Variants in RANBP2 observed in about 807,000 individuals in gnomAD.
RANBP2 encodes RAN binding protein 2, also known as E3 SUMO-protein ligase RanBP2.
RANBP2 carries 57 observed loss-of-function variants against 303.6 expected under a neutral mutation model. The observed-to-expected ratio is 0.19, with a 90% CI of 0.15 to 0.23. The LOEUF (loss-of-function observed/expected upper bound fraction) is 0.23, where lower values mean the gene tolerates loss of function less well. Among genes scored for constraint, RANBP2 ranks in the 10% least tolerant of loss-of-function variants. The probability of loss-of-function intolerance (pLI) is 1.00; values close to 1 mark genes in which losing one functional copy is unlikely to be tolerated. For synonymous variants in RANBP2, 1,167 were observed against 1,301.5 expected (o/e 0.90, Z 2.23); for missense variants, 3,138 against 3,780.8 (o/e 0.83, Z 4.46).
At chr2:109,741,321 A>T in the RANBP2 span, among the ~76,000 whole-genome samples, 5 of 152,222 alleles carry the variant, frequency 3.3e-5, no homozygotes, top group Non-Finnish European at 5.9e-5. Flanking sequence ...ATATGAATAG[A>T]TGCAGAAAAG....
chr2:109,763,048 CT>C, the RANBP2 span, among the ~76,000 whole-genome samples: 1 of 149,524 alleles, frequency 6.7e-6, no homozygotes, highest in Non-Finnish European at 1.5e-5. Context: ...TATTTGAGAA[CT>C]TTCTGTGTGT....
the RANBP2 span, among the ~76,000 whole-genome samples, chr2:108,906,549 T>C: frequency 1.3e-5 from 2 of 152,216 alleles, no homozygotes; most frequent in African/African-American, 2.4e-5. Flanking sequence ...CAGGTTTTCC[T>C]ATTCAAACAT....
the RANBP2 span, among the ~76,000 whole-genome samples, chr2:108,824,920 T>C: frequency 6.6e-6 from 1 of 152,200 alleles, no homozygotes; most frequent in Non-Finnish European, 1.5e-5. Flanking sequence ...ACCGAAATGT[T>C]ATGCAGTGCG....
the RANBP2 span, chr2:109,544,806 C>T: frequency 1.3e-6 from 1 of 757,834 alleles, no homozygotes; most frequent in South Asian, 6.0e-5. Flanking sequence ...TGCATGCCTA[C>T]TATGTACCAG....
chr2:108,786,937 C>G (rs766529876), downstream of RANBP2: 102 of 1,476,640 alleles, frequency 6.9e-5, no homozygotes, highest in Non-Finnish European at 8.9e-5. Flanking sequence ...GCCTGAGGTC[C>G]GCGGGTGGGC....
the RANBP2 span, among the ~76,000 whole-genome samples, chr2:109,680,066 C>T: frequency 5.9e-5 from 9 of 151,890 alleles, no homozygotes; most frequent in African/African-American, 2.2e-4. Context: ...TAAAAGAGGG[C>T]CGGGTGTGAT....
chr2:109,014,721 G>A, the RANBP2 span, among the ~76,000 whole-genome samples: 6 of 152,328 alleles, frequency 3.9e-5, no homozygotes, highest in East Asian at 1.9e-4. Flanking sequence ...TGTGAGAGGC[G>A]TGCAGGGCGC....
the RANBP2 span, among the ~76,000 whole-genome samples, chr2:108,943,391 A>G: frequency 6.6e-6 from 1 of 152,178 alleles, no homozygotes; most frequent in East Asian, 1.9e-4. Context: ...CATTCTTTAT[A>G]TAGTTAAATT....
the RANBP2 span, among the ~76,000 whole-genome samples, chr2:109,142,288 A>G: frequency 6.6e-6 from 1 of 152,090 alleles, no homozygotes; most frequent in East Asian, 1.9e-4. Context: ...TGGTGTTCTC[A>G]GGAATAGGTG....
the RANBP2 span, among the ~76,000 whole-genome samples, chr2:109,568,535 AG>A: frequency 2.3e-4 from 35 of 152,196 alleles, no homozygotes; most frequent in Non-Finnish European, 4.6e-4. Context: ...CAATGCTTTC[AG>A]AAAGCAGAAC....
chr2:109,121,339 T>C, the RANBP2 span, among the ~76,000 whole-genome samples: 1 of 151,894 alleles, frequency 6.6e-6, no homozygotes, highest in Non-Finnish European at 1.5e-5. Context: ...TATCTGAAAA[T>C]TAAAAAACAA....
the RANBP2 span, among the ~76,000 whole-genome samples, chr2:109,366,766 C>T: frequency 0.19 from 28,695 of 152,152 alleles, 3,322 homozygotes; most frequent in African/African-American, 0.33. Flanking sequence ...GGAGGGAGGA[C>T]CACTTGCGCC....
At chr2:109,540,937 T>C in the RANBP2 span, among the ~76,000 whole-genome samples, 1 of 152,256 alleles carries the variant, frequency 6.6e-6, no homozygotes, top group East Asian at 1.9e-4. Flanking sequence ...CAGCTGCTTT[T>C]TAAGGAAACT....
chr2:109,099,115 G>A, the RANBP2 span, among the ~76,000 whole-genome samples: 4 of 152,158 alleles, frequency 2.6e-5, no homozygotes, highest in African/African-American at 9.7e-5. Context: ...TATACCCAAC[G>A]GGTTGGCTAA....
the RANBP2 span, among the ~76,000 whole-genome samples, chr2:109,337,970 G>C: frequency 6.6e-6 from 1 of 152,096 alleles, no homozygotes; most frequent in Non-Finnish European, 1.5e-5. Flanking sequence ...GAGTTCAAGT[G>C]ATCTGCCTGC....
At chr2:109,600,593 A>G in the RANBP2 span, among the ~76,000 whole-genome samples, 1 of 150,744 alleles carries the variant, frequency 6.6e-6, no homozygotes, top group Non-Finnish European at 1.5e-5. Context: ...AACACAGGAT[A>G]ATTTTGTGAC....
chr2:108,973,674 T>C, the RANBP2 span, among the ~76,000 whole-genome samples: 4 of 152,266 alleles, frequency 2.6e-5, no homozygotes, highest in African/African-American at 7.2e-5. Flanking sequence ...CTAGAACCCA[T>C]GCCACACATG....
the RANBP2 span, among the ~76,000 whole-genome samples, chr2:109,200,853 G>A: frequency 2.0e-5 from 3 of 152,212 alleles, no homozygotes; most frequent in Admixed American, 1.3e-4. Flanking sequence ...CCTAAGTGCG[G>A]CCTCTCAGCC....
the RANBP2 span, among the ~76,000 whole-genome samples, chr2:109,190,644 T>C: frequency 1.3e-5 from 2 of 152,282 alleles, no homozygotes; most frequent in East Asian, 3.9e-4. Context: ...TGAAAATCTT[T>C]CTTATTGTTT....
Sources: gnomAD v4.1 joint callset for allele counts (sites outside exome capture counted in the v4.1 genomes callset) on GRCh38, gnomAD v4.1.1 for gene constraint, MANE v1.5 for transcripts, NCBI Gene and HGNC (gene_info 2026-07-23, HGNC 2026-07-21) for gene names.